Variants in GANC observed in about 807,000 individuals in gnomAD.
GANC encodes glucosidase alpha, neutral C.
In GANC, 117 loss-of-function variants were observed where a neutral mutation model predicts 124.2. The ratio of observed to expected loss-of-function variants is 0.94; its 90% CI spans 0.81 to 1.10. The LOEUF is 1.10. Ranked by LOEUF, GANC falls within the 50% of genes least tolerant of loss-of-function variation. The probability of loss-of-function intolerance (pLI) is 0.00; values close to 1 mark genes in which losing one functional copy is unlikely to be tolerated. For synonymous variants in GANC, 377 were observed against 376.8 expected (o/e 1.00, Z -0.01); for missense variants, 1,140 against 1,095.0 (o/e 1.04, Z -0.58).
chr15:42,325,517 A>T (rs563239230), intron 11 of GANC, among the ~76,000 whole-genome samples: 1 of 152,196 alleles, frequency 6.6e-6, no homozygotes, highest in South Asian at 2.1e-4. Context: ...TGCCTGCACC[A>T]CTGGGCTTGG....
At position 42,343,104 on chromosome 15, in the gene GANC, A is replaced by G. The variant is rs1356600884; in HGVS notation, c.2179A>G (p.Thr727Ala). Residue 727 changes from threonine to alanine, a missense_variant, in exon 19 of 24, where the codon ACA becomes GCA. Physicochemically the swap from Thr to Ala is moderately conservative, Grantham distance 58. Coordinates refer to ENST00000318010, the MANE Select transcript of GANC (RefSeq NM_198141.3). Reference protein sequence around the residue: ...LGSALLVHPVTEPKATTVDVF... With the variant: ...LGSALLVHPVAEPKATTVDVF... ...GAGTGCATTATTGGTTCATCCAGTC[A>G]CAGAACCAAAAGCCACCACAGTTGA... 2 of 1,614,066 alleles carry G rather than the reference A, an allele frequency of 1.2e-6. No individual in the cohort carries two copies. Among genetic ancestry groups the G allele is most frequent in the South Asian group, 1.1e-5 (1 of 91,072 alleles).
rs773234152 is a variant in GANC at position 42,306,618 on chromosome 15, A to T, written c.625+6A>T. 194 of 1,583,702 alleles carry T rather than the reference A, an allele frequency of 1.2e-4. No homozygotes were observed. Among genetic ancestry groups the T allele is most frequent in the Non-Finnish European group, 1.6e-4 (184 of 1,152,890 alleles). The stretch of plus-strand genomic sequence containing the variant: ...TGTGGATATCAAAGCTAATGGTAAA[A>T]TTGAAACTGGTATAGTATTAAAACA... On this transcript the variant is annotated splice_donor_region_variant and intron_variant, in intron 7 of 23. Coordinates refer to ENST00000318010, the MANE Select transcript of GANC (RefSeq NM_198141.3).
At chr15:42,312,939 CAAAAAA>C (rs55722371) in intron 10 of GANC, among the ~76,000 whole-genome samples, 10 of 126,552 alleles carry the variant, frequency 7.9e-5, no homozygotes, top group Non-Finnish European at 1.2e-4. Context: ...GACTCCGTCT[CAAAAAA>C]AAAAAAAAAA....
At position 42,274,065 on chromosome 15, in the gene GANC, G is replaced by A. The variant is rs933869244; in HGVS notation, c.-417G>A. On this transcript the variant is annotated 5_prime_UTR_variant, in exon 1 of 24. Transcript: ENST00000318010. Reference sequence around the variant, plus strand: ...AGAGGGTCAGTTTTCAAAATCTGTGGCGTGACCCCGCCACTGAGATAGATC... The same window carrying A: ...AGAGGGTCAGTTTTCAAAATCTGTGACGTGACCCCGCCACTGAGATAGATC... 1 of 236,590 alleles carries A rather than the reference G, an allele frequency of 4.2e-6. No homozygotes were observed. The highest frequency in any genetic ancestry group is 8.3e-6 in the Non-Finnish European group (1 of 119,802). 14.7% of individuals were successfully genotyped at this position (236,590 alleles called of 1,614,324 possible).
chr15:42,338,284 G>T, intron 15 of GANC, 105 bp from the exon 16 acceptor site: 1 of 611,216 alleles, frequency 1.6e-6, no homozygotes, highest in South Asian at 3.0e-5. Context: ...CAAGAAATTG[G>T]TTTTCCTTTT....
rs1176739098 is a variant in GANC, at chr15:42,352,208, T to G, written c.*69T>G. The G allele has an allele frequency of 6.3e-7, 1 of 1,585,968 alleles. No homozygotes were observed. On this transcript the variant is annotated 3_prime_UTR_variant, in exon 24 of 24. Transcript: ENST00000318010. ...CTTTCAACCTTTCCCCTCACCTTTTTTGAGATTTTTGCTGCAATCTGTTTG... is the reference window on the plus strand; with the variant it reads ...CTTTCAACCTTTCCCCTCACCTTTTGTGAGATTTTTGCTGCAATCTGTTTG...
Position 42,346,505 on chromosome 15 carries a change from T to C in GANC, c.2304+673T>C, listed in dbSNP as rs1416524938. On this transcript the variant is annotated intron_variant, in intron 20 of 23. Transcript: ENST00000318010. ...TTGTATACTTTAAATTGGTGAGTTG[T>C]ATGGTATATGAATTCTATCAAAGCT... 1.3e-5 allele frequency among the ~76,000 whole-genome samples: 2 copies of C among 152,198 alleles called. 1 individual carries two copies. Among genetic ancestry groups the C allele is most frequent in the South Asian group, 4.1e-4 (2 of 4,832 alleles).
intron 6 of GANC, among the ~76,000 whole-genome samples, chr15:42,298,218 T>C (rs1285734741): frequency 6.6e-6 from 1 of 152,132 alleles, no homozygotes; most frequent in East Asian, 1.9e-4. Flanking sequence ...GGAGGTAGGA[T>C]GGAGCATATT....
intron 1 of GANC, 149 bp downstream of exon 1, chr15:42,274,659 CCT>C: frequency 1.3e-6 from 1 of 756,320 alleles, no homozygotes; most frequent in Non-Finnish European, 2.0e-6. Context: ...ATATTAATAG[CCT>C]CTCATAAAAT....
intron 15 of GANC, among the ~76,000 whole-genome samples, chr15:42,337,881 G>C (rs2052295166): frequency 6.6e-6 from 1 of 152,076 alleles, no homozygotes. Flanking sequence ...GGCCAACATG[G>C]TGAAACCCCT....
In GANC at chr15:42,352,385, G is replaced by T; in HGVS notation, c.*246G>T. ...CCTTTTCTCCCTGATACATAGCCCT[G>T]AGACATTTATAGCGTTCAGGAGTCT... On this transcript the variant is annotated 3_prime_UTR_variant, in exon 24 of 24. Transcript: ENST00000318010. 1 of 1,281,650 alleles carries T rather than the reference G, an allele frequency of 7.8e-7. No homozygotes were observed. Among genetic ancestry groups the T allele is most frequent in the Non-Finnish European group, 9.9e-7 (1 of 1,005,516 alleles). The allele number at this position is 1,281,650 out of a possible 1,614,324, so 79.4% of individuals were successfully genotyped here. A position where few individuals can be genotyped will look rare whatever the true frequency, so the allele number is the denominator to read the frequency against.
intron 18 of GANC, among the ~76,000 whole-genome samples, chr15:42,341,012 C>T (rs1402250846): frequency 2.0e-5 from 3 of 152,038 alleles, no homozygotes; most frequent in Non-Finnish European, 4.4e-5. Context: ...GATCCACCCA[C>T]CTTGGCCTCC....
chr15:42,299,135 T>C (rs1435291088), intron 6 of GANC, among the ~76,000 whole-genome samples: 1 of 152,226 alleles, frequency 6.6e-6, no homozygotes, highest in Non-Finnish European at 1.5e-5. Context: ...CATCCTTGTC[T>C]TGTGCCAGTT....
In GANC at chr15:42,292,758, C is replaced by T. The variant is rs144452186; in HGVS notation, c.353C>T (p.Thr118Ile). The T allele has an allele frequency of 2.9e-5, 47 of 1,613,874 alleles. No homozygotes were observed. The highest frequency in any genetic ancestry group is 3.6e-5 in the Non-Finnish European group (42 of 1,179,916). The change falls in exon 5 of 24, where the codon ACA (threonine) becomes ATA (isoleucine). Residue 118 changes from threonine (T) to isoleucine (I), a missense_variant. Transcript: ENST00000318010. ...AGGCTGATTTCATGCTCTGGGGACA[C>T]AGGCAGTCTGATATTGGCAGATGGA... ...TVRLISCSGD[T>I]GSLILADGKG...
In GANC at chr15:42,274,471, A is replaced by T; in HGVS notation, c.-11A>T. 1.2e-6 allele frequency: 2 copies of T among 1,610,412 alleles called. No individual in the cohort carries two copies. Among genetic ancestry groups the T allele is most frequent in the South Asian group, 2.2e-5 (2 of 89,924 alleles). Reference sequence around the variant, plus strand: ...TGAGAGCTGGGAGCTGGTCGGAGTGACAGAGAAGCCATGGAAGCAGCAGTG... The same window carrying T: ...TGAGAGCTGGGAGCTGGTCGGAGTGTCAGAGAAGCCATGGAAGCAGCAGTG... On this transcript the variant is annotated 5_prime_UTR_variant, in exon 1 of 24. It removes the in-frame stop codon of an upstream open reading frame in the 5' UTR. Transcript: ENST00000318010.
rs1199793348 is a variant in GANC at position 42,330,622 on chromosome 15, A to G, written c.1691A>G (p.Glu564Gly). Residue 564 changes from glutamate to glycine, a missense_variant, in exon 15 of 24, where the codon GAG becomes GGG. Coordinates refer to ENST00000318010, the MANE Select transcript of GANC (RefSeq NM_198141.3). Reference protein sequence around the residue: ...EGLIKRSKGKERPFVLTRSFF... With the variant: ...EGLIKRSKGKGRPFVLTRSFF... ...CTGATAAAACGATCTAAAGGGAAGG[A>G]GAGACCCTTTGTTCTTACACGTTCT... The G allele has an allele frequency of 6.2e-7, 1 of 1,612,138 alleles. No homozygotes were observed. Among genetic ancestry groups the G allele is most frequent in the African/African-American group, 1.3e-5 (1 of 74,826 alleles).
Position 42,352,022 on chromosome 15 carries a change from C to T in GANC, c.2636-8C>T. On this transcript the variant is annotated splice_region_variant and splice_polypyrimidine_tract_variant and intron_variant, in intron 23 of 23. Transcript: ENST00000318010. ...AAAATTTCCCTCTTTTATTGTCTTG[C>T]TATTTAGATGGTAAAGATCAGCCTG... 1 of 1,613,790 alleles carries T rather than the reference C, an allele frequency of 6.2e-7. No homozygotes were observed. The highest frequency in any genetic ancestry group is 8.5e-7 in the Non-Finnish European group (1 of 1,179,798).
At chr15:42,346,871 C>G (rs751800935) in intron 20 of GANC, among the ~76,000 whole-genome samples, 6 of 152,050 alleles carry the variant, frequency 3.9e-5, no homozygotes, top group Non-Finnish European at 5.9e-5. Flanking sequence ...CTACTACAGG[C>G]CCAAAGTAGT....
chr15:42,306,499 T>G lies in GANC; in HGVS notation c.559-47T>G, dbSNP rs761898091. On this transcript the variant is annotated intron_variant, in intron 6 of 23. Coordinates refer to ENST00000318010, the MANE Select transcript of GANC (RefSeq NM_198141.3). ...AAATGAGCTATTGTGGTAAACACAT[T>G]TGTTGCAATTTGTAAACTCAGTTTG... 2.8e-6 allele frequency: 4 copies of G among 1,430,454 alleles called. No individual in the cohort carries two copies. The South Asian group carries it at 4.7e-5, about 17-fold the overall frequency. The allele number at this position is 1,430,454 out of a possible 1,614,324, so 88.6% of individuals were successfully genotyped here.
Sources: allele counts gnomAD v4.1 joint callset (sites outside exome capture counted in the v4.1 genomes callset), GRCh38; gene constraint gnomAD v4.1.1; transcripts MANE v1.5; gene names NCBI Gene and HGNC (gene_info 2026-07-23, HGNC 2026-07-21).